The following ZBTB17 variants were observed in gnomAD, a reference collection of about 807,000 sequenced individuals.
ZBTB17 encodes zinc finger and BTB domain-containing protein 17.
Under a neutral mutation model 85.1 loss-of-function variants are expected in ZBTB17, and 24 were observed. That is an observed-to-expected ratio of 0.28 (90% CI 0.20 to 0.40). The LOEUF is 0.40. ZBTB17 is among the 10% of genes least tolerant of loss of function. The pLI is 1.00. For missense variants in ZBTB17, 743 were observed against 1,105.1 expected (o/e 0.67, Z 4.65); for synonymous variants, 464 against 460.2 (o/e 1.01, Z -0.11).
rs1014603077 is a variant in ZBTB17 at position 15,951,601 on chromosome 1, C to G, written c.-2-3104G>C. Among the ~76,000 whole-genome samples, 4 of 152,098 alleles carry G rather than the reference C, an allele frequency of 2.6e-5. No individual in the cohort carries two copies. The highest frequency in any genetic ancestry group is 5.9e-5 in the Non-Finnish European group (4 of 68,008). On this transcript the variant is annotated intron_variant, in intron 2 of 15. Coordinates refer to ENST00000375743, the MANE Select transcript of ZBTB17 (RefSeq NM_003443.3). This position sits in a 1 kb window ranked among gnomAD's most constrained non-coding sequence, Gnocchi z 4.1. Reference sequence around the variant, plus strand: ...ACAGCCCCTCTCTCAAGGCCCGTGGCGAGACGGAGGCATGGCCGGCTGGGT... The same window carrying G: ...ACAGCCCCTCTCTCAAGGCCCGTGGGGAGACGGAGGCATGGCCGGCTGGGT...
At chr1:15,944,253 G>C in intron 9 of ZBTB17, 47 bp downstream of exon 9, 1 of 1,546,098 alleles carries the variant, frequency 6.5e-7, no homozygotes, top group East Asian at 2.4e-5. Context: ...ATGCGGCTGC[G>C]GCCACCGGCG....
intron 2 of ZBTB17, among the ~76,000 whole-genome samples, chr1:15,960,387 G>A (rs1036599726): frequency 2.6e-5 from 4 of 152,120 alleles, no homozygotes; most frequent in Non-Finnish European, 5.9e-5. Flanking sequence ...GAAAACATTT[G>A]GCTTGAACTT....
chr1:15,946,849 CTG>C, intron 4 of ZBTB17, 84 bp downstream of exon 4: 1 of 1,474,762 alleles, frequency 6.8e-7, no homozygotes, highest in South Asian at 1.3e-5. Context: ...GATGAGGAAA[CTG>C]AGACCCAGAA....
At chr1:15,975,618 T>G (rs2148824158) in intron 1 of ZBTB17, among the ~76,000 whole-genome samples, 1 of 150,660 alleles carries the variant, frequency 6.6e-6, no homozygotes, top group South Asian at 2.1e-4. Flanking sequence ...GGCACTGCGC[T>G]CCCTCGCGGC....
chr1:15,944,720 G>T lies in ZBTB17; in HGVS notation c.1047C>A (p.Cys349Ter). 1 of 1,610,400 alleles carries T rather than the reference G, an allele frequency of 6.2e-7. No individual in the cohort carries two copies. The highest frequency in any genetic ancestry group is 8.5e-7 in the Non-Finnish European group (1 of 1,179,900). Residue 349 changes from cysteine to a stop codon, truncating the protein, a stop_gained, in exon 8 of 16, where the codon TGC (cysteine) becomes TGA (stop). Coordinates refer to ENST00000375743, the MANE Select transcript of ZBTB17 (RefSeq NM_003443.3). LOFTEE classifies it high-confidence loss of function. ...CSKAFSDPAA[C>*]KAHEKTHSPL... The stretch of plus-strand genomic sequence containing the variant: ...ACCTGTGCGTCTTCTCATGGGCCTT[G>T]CACGCGGCCGGGTCGGAAAAGGCCT...
Position 15,944,702 on chromosome 1 carries a change from C to G in ZBTB17, c.1065G>C (p.Thr355=), listed in dbSNP as rs1209959182. The G allele has an allele frequency of 2.5e-6, 4 of 1,607,798 alleles. No homozygotes were observed. In the East Asian group the frequency reaches 8.9e-5, roughly 36 times the overall value. The part of the protein sequence containing the change: ...DPAACKAHEK[T]HSPLKPYGCE... The stretch of plus-strand genomic sequence containing the variant: ...AGGCCGGCTTGGGGCAGTACCTGTG[C>G]GTCTTCTCATGGGCCTTGCACGCGG... Residue 355 remains threonine, a synonymous_variant, in exon 8 of 16, where the codon ACG becomes ACC. Coordinates refer to ENST00000375743, the MANE Select transcript of ZBTB17 (RefSeq NM_003443.3).
At position 15,945,773 on chromosome 1, in the gene ZBTB17, G is replaced by A. The variant is rs2071576486; in HGVS notation, c.603C>T (p.Pro201=). Reference sequence around the variant, plus strand: ...CTTCTGCAGCAGCCATGCCACTCGTGGGGTCTGGCTTGAGCTCCACAGGCG... The same window carrying A: ...CTTCTGCAGCAGCCATGCCACTCGTAGGGTCTGGCTTGAGCTCCACAGGCG... ...EPPPVELKPD[P]TSGMAAAEAE... Residue 201 remains proline (P), a synonymous_variant, in exon 6 of 16, where the codon CCC becomes CCT. Transcript: ENST00000375743. 6.2e-7 allele frequency: 1 copy of A among 1,606,336 alleles called. No individual in the cohort carries two copies. Among genetic ancestry groups the A allele is most frequent in the East Asian group, 2.2e-5 (1 of 44,870 alleles).
intron 2 of ZBTB17, among the ~76,000 whole-genome samples, chr1:15,950,732 GAGGTACAAAGAACCCTCTAGC>G (rs2071802152): frequency 6.6e-6 from 1 of 152,224 alleles, no homozygotes. Flanking sequence ...TGAACCCCCA[GAGGTACAAAGAACCCTCTAGC>G]AGGAAAACCA....
rs1032597368 is a variant in ZBTB17, at chr1:15,966,625, G to A, written c.-3+6414C>T. Among the ~76,000 whole-genome samples the A allele has an allele frequency of 6.6e-6, 1 of 152,086 alleles. No individual in the cohort carries two copies. The highest frequency in any genetic ancestry group is 2.1e-4 in the South Asian group (1 of 4,830). On this transcript the variant is annotated intron_variant, in intron 2 of 15. Transcript: ENST00000375743. This position sits in a 1 kb window ranked among gnomAD's most constrained non-coding sequence, Gnocchi z 4.1. ...GAGCCTAAGCCCCAGTTTTCTACAC[G>A]TATCTGTGCTGACTGCATTACTGAG...
rs2071371870 is a variant in ZBTB17, at chr1:15,941,918, G to A, written c.*51C>T. The A allele has an allele frequency of 9.0e-6, 14 of 1,549,722 alleles. No individual in the cohort carries two copies. The highest frequency in any genetic ancestry group is 1.4e-5 in the African/African-American group (1 of 73,864). Reference sequence around the variant, plus strand: ...CTCTAGGGAACAGGCCACCCTTCCCGGTTCCAGGGTGCCATCCATCCTTAA... The same window carrying A: ...CTCTAGGGAACAGGCCACCCTTCCCAGTTCCAGGGTGCCATCCATCCTTAA... On this transcript the variant is annotated 3_prime_UTR_variant, in exon 16 of 16. Transcript: ENST00000375743.
In ZBTB17 at chr1:15,953,817, G is replaced by T. The variant is rs1049829691; in HGVS notation, c.-2-5320C>A. Among the ~76,000 whole-genome samples, 2 of 152,196 alleles carry T rather than the reference G, an allele frequency of 1.3e-5. No homozygotes were observed. The highest frequency in any genetic ancestry group is 4.8e-5 in the African/African-American group (2 of 41,454). ...AATGGTATGACTTCCTTTGTGACAG[G>T]ATTAAATTAAGTAACATAGGTCAAG... On this transcript the variant is annotated intron_variant, in intron 2 of 15. Coordinates refer to ENST00000375743, the MANE Select transcript of ZBTB17 (RefSeq NM_003443.3). The surrounding 1 kb of genome is among the most constrained non-coding windows in gnomAD (Gnocchi z 5.1).
At chr1:15,943,563 C>T (rs1399735532) in intron 11 of ZBTB17, 36 bp downstream of exon 11, 1 of 1,612,078 alleles carries the variant, frequency 6.2e-7, no homozygotes, top group Non-Finnish European at 8.5e-7. Flanking sequence ...CCTCTCCGTG[C>T]CCTCCCAGTC....
rs747414518 is a variant in ZBTB17 at position 15,944,922 on chromosome 1, CAT to C, written c.927+13_927+14del. The C allele has an allele frequency of 6.4e-6, 10 of 1,566,324 alleles. No homozygotes were observed. Among genetic ancestry groups the C allele is most frequent in the Non-Finnish European group, 8.6e-6 (10 of 1,157,260 alleles). ...AGGGACGCTGGCTGGGAGGGCTGGC[CAT>C]AGTCTCCCTCACCTCGCACTTGTGG... On this transcript the variant is annotated intron_variant, in intron 7 of 15. Coordinates refer to ENST00000375743, the MANE Select transcript of ZBTB17 (RefSeq NM_003443.3).
Position 15,953,844 on chromosome 1 carries a change from C to A in ZBTB17, c.-2-5347G>T, listed in dbSNP as rs2071952765. On this transcript the variant is annotated intron_variant, in intron 2 of 15. Coordinates refer to ENST00000375743, the MANE Select transcript of ZBTB17 (RefSeq NM_003443.3). The surrounding 1 kb of genome is among the most constrained non-coding windows in gnomAD (Gnocchi z 5.1). ...TTAAATTAAGTAACATAGGTCAAGA[C>A]CCTGTACAGAGCCTGGCATATCGTG... Among the ~76,000 whole-genome samples, 2 of 152,196 alleles carry A rather than the reference C, an allele frequency of 1.3e-5. No individual in the cohort carries two copies. The highest frequency in any genetic ancestry group is 4.1e-4 in the South Asian group (2 of 4,830).
At chr1:15,943,349 C>T (rs757151025) in intron 12 of ZBTB17, 50 bp downstream of exon 12, 95 of 1,580,552 alleles carry the variant, frequency 6.0e-5, no homozygotes, top group Non-Finnish European at 7.4e-5. Flanking sequence ...TCTTCTGAGC[C>T]CCCTCACTGT....
At chr1:15,970,260 G>A (rs1463351619) in intron 2 of ZBTB17, 10 of 414,922 alleles carry the variant, frequency 2.4e-5, no homozygotes, top group African/African-American at 1.7e-4. Flanking sequence ...GGACAAAGGC[G>A]AGACATCTGA....
chr1:15,961,846 A>T (rs1400469702), intron 2 of ZBTB17, among the ~76,000 whole-genome samples: 1 of 152,182 alleles, frequency 6.6e-6, no homozygotes, highest in Non-Finnish European at 1.5e-5. Context: ...TAGTGACGAC[A>T]TGGGGTGACG....
At chr1:15,975,734 A>G (rs1257227531) in intron 1 of ZBTB17, among the ~76,000 whole-genome samples, 2 of 151,934 alleles carry the variant, frequency 1.3e-5, no homozygotes, top group East Asian at 3.9e-4. Context: ...CCGGGAGGTG[A>G]CACGCGCCCC....
At chr1:15,961,019 C>T (rs972390190) in intron 2 of ZBTB17, among the ~76,000 whole-genome samples, 15 of 151,682 alleles carry the variant, frequency 9.9e-5, no homozygotes, top group Non-Finnish European at 1.8e-4. Context: ...GAGGCAGAGG[C>T]GGGAGGATCA....
Sources: allele counts gnomAD v4.1 joint callset (sites outside exome capture counted in the v4.1 genomes callset), GRCh38; gene constraint gnomAD v4.1.1; non-coding constraint Gnocchi (gnomAD v3.1); transcripts MANE v1.5; gene names NCBI Gene and HGNC (gene_info 2026-07-23, HGNC 2026-07-21).